Variants in WDR72 observed in about 807,000 individuals in gnomAD.
WDR72 encodes WD repeat-containing protein 72.
WDR72 carries 120 observed loss-of-function variants against 124.2 expected under a neutral mutation model. The ratio of observed to expected loss-of-function variants is 0.97; its 90% CI spans 0.83 to 1.12. The LOEUF is 1.12. Ranked by LOEUF, WDR72 falls within the 50% of genes most tolerant of loss-of-function variation. WDR72 has a pLI of 0.00. For synonymous variants in WDR72, 452 were observed against 441.7 expected (o/e 1.02, Z -0.29); for missense variants, 1,387 against 1,278.8 (o/e 1.08, Z -1.29).
chr15:53,604,949 A>G (rs2013209938), intron 17 of WDR72, among the ~76,000 whole-genome samples: 3 of 152,252 alleles, frequency 2.0e-5, no homozygotes, highest in South Asian at 4.1e-4. Flanking sequence ...AAAGACCTAA[A>G]GACAGAAATA....
intron 2 of WDR72, among the ~76,000 whole-genome samples, chr15:53,728,958 G>A (rs996057802): frequency 1.3e-5 from 2 of 152,088 alleles, no homozygotes; most frequent in African/African-American, 2.4e-5. Context: ...AAAGACTGAG[G>A]CACATCTTCA....
Position 53,517,602 on chromosome 15 carries a change from G to T in WDR72, c.*97C>A. The T allele has an allele frequency of 7.7e-7, 1 of 1,305,000 alleles. No homozygotes were observed. Among genetic ancestry groups the T allele is most frequent in the South Asian group, 1.2e-5 (1 of 84,312 alleles). 80.8% of individuals were successfully genotyped at this position (1,305,000 alleles called of 1,614,324 possible). On this transcript the variant is annotated 3_prime_UTR_variant, in exon 20 of 20. Coordinates refer to ENST00000360509, the MANE Select transcript of WDR72 (RefSeq NM_182758.4). ...CAAATCCACTACAGCCTAATAACTT[G>T]ACCAATAACAACAATGCTTTTATAC...
intron 14 of WDR72, among the ~76,000 whole-genome samples, chr15:53,637,738 T>C (rs2014677913): frequency 6.6e-6 from 1 of 152,144 alleles, no homozygotes. Flanking sequence ...CCTTTAATGC[T>C]TCATTCTTGT....
rs142245165 is a variant in WDR72, at chr15:53,700,817, C to T, written c.1570-872G>A. On this transcript the variant is annotated intron_variant, in intron 12 of 19. Transcript: ENST00000360509. ...AGGTGTGATAGATCTGGAGCCTAGA[C>T]TTGCAGAACGGATCATATGTCATTT... 9.4e-3 allele frequency among the ~76,000 whole-genome samples: 1,424 copies of T among 152,246 alleles called. 36 individuals carry two copies. Among genetic ancestry groups the T allele is most frequent in the African/African-American group, 0.033 (1,371 of 41,530 alleles).
At chr15:53,656,759 A>C (rs928601717) in intron 14 of WDR72, among the ~76,000 whole-genome samples, 4 of 152,188 alleles carry the variant, frequency 2.6e-5, no homozygotes, top group Non-Finnish European at 1.5e-5. Context: ...GTCATTAAAA[A>C]AACAGAATAG....
rs372047081 is a variant in WDR72 at position 53,531,234 on chromosome 15, T to G, written c.3149-7912A>C. Among the ~76,000 whole-genome samples the G allele has an allele frequency of 5.6e-4, 85 of 152,194 alleles. 1 individual carries two copies. The South Asian group carries it at 0.017, about 30-fold the overall frequency. On this transcript the variant is annotated intron_variant, in intron 18 of 19. Coordinates refer to ENST00000360509, the MANE Select transcript of WDR72 (RefSeq NM_182758.4). ...GTGGTATGTTAGCTACTTAAAAACA[T>G]ATTGAGATTGAACGAAAGACATGCT...
intron 1 of WDR72, among the ~76,000 whole-genome samples, chr15:53,746,879 A>G (rs976092085): frequency 1.3e-5 from 2 of 152,218 alleles, no homozygotes; most frequent in African/African-American, 4.8e-5. Flanking sequence ...GATGAAACAA[A>G]TGGATAGATA....
At chr15:53,694,277 T>C (rs2016934239) in intron 13 of WDR72, among the ~76,000 whole-genome samples, 1 of 152,152 alleles carries the variant, frequency 6.6e-6, no homozygotes, top group Non-Finnish European at 1.5e-5. Flanking sequence ...TTGGCAACTA[T>C]CTTCCTATGA....
intron 14 of WDR72, among the ~76,000 whole-genome samples, chr15:53,619,502 C>G (rs2013903072): frequency 6.6e-6 from 1 of 151,992 alleles, no homozygotes; most frequent in African/African-American, 2.4e-5. Flanking sequence ...AGCAAAAGTA[C>G]TTTCCCCCCT....
intron 18 of WDR72, among the ~76,000 whole-genome samples, chr15:53,584,711 C>G (rs917960590): frequency 2.6e-5 from 4 of 151,894 alleles, no homozygotes; most frequent in African/African-American, 9.7e-5. Context: ...CCTTTTCATT[C>G]CAGGTATCTC....
At chr15:53,703,096 C>G (rs1432058189) in intron 11 of WDR72, among the ~76,000 whole-genome samples, 3 of 151,528 alleles carry the variant, frequency 2.0e-5, no homozygotes, top group African/African-American at 4.9e-5. Flanking sequence ...GTTTTTTTTG[C>G]AGGGACAGGG....
At chr15:53,537,732 A>C (rs1474029501) in intron 18 of WDR72, among the ~76,000 whole-genome samples, 1 of 152,202 alleles carries the variant, frequency 6.6e-6, no homozygotes, top group Non-Finnish European at 1.5e-5. Context: ...AATATGCATA[A>C]ATGTAAATAA....
chr15:53,647,385 T>C (rs1040048618), intron 14 of WDR72, among the ~76,000 whole-genome samples: 1 of 152,098 alleles, frequency 6.6e-6, no homozygotes, highest in Non-Finnish European at 1.5e-5. Flanking sequence ...AAGAATTCAA[T>C]AATAAAGATA....
Position 53,740,469 on chromosome 15 carries a change from G to T in WDR72, c.-12-7308C>A, listed in dbSNP as rs376628967. Among the ~76,000 whole-genome samples, 35 of 152,144 alleles carry T rather than the reference G, an allele frequency of 2.3e-4. No homozygotes were observed. In the South Asian group the frequency reaches 2.5e-3, roughly 11 times the overall value. On this transcript the variant is annotated intron_variant, in intron 1 of 19. Transcript: ENST00000360509. ...ACTACAGGCGCCCACCACCGCGCCC[G>T]GCTAATTTTTTGTATTTTTAGCAGA...
chr15:53,636,773 A>C (rs1471851502), intron 14 of WDR72, among the ~76,000 whole-genome samples: 1 of 152,214 alleles, frequency 6.6e-6, no homozygotes, highest in African/African-American at 2.4e-5. Context: ...GTACTTGTCC[A>C]CAATCACACA....
chr15:53,665,912 G>T (rs189952510), intron 13 of WDR72, 144 bp from the exon 14 acceptor site: 13 of 782,232 alleles, frequency 1.7e-5, no homozygotes, highest in African/African-American at 1.6e-4. Flanking sequence ...TAGCCTGGGA[G>T]CTTTTCCTAA....
intron 14 of WDR72, among the ~76,000 whole-genome samples, chr15:53,656,026 A>C (rs2015409440): frequency 6.6e-6 from 1 of 152,194 alleles, no homozygotes; most frequent in Non-Finnish European, 1.5e-5. Flanking sequence ...AAAAGTCATC[A>C]GGTTTTGGGC....
intron 13 of WDR72, among the ~76,000 whole-genome samples, chr15:53,673,191 T>C (rs1459040465): frequency 6.6e-6 from 1 of 152,156 alleles, no homozygotes. Context: ...CTTTCCAAAA[T>C]TAACAAAAGT....
chr15:53,695,631 C>T (rs1184125559), intron 13 of WDR72, among the ~76,000 whole-genome samples: 2 of 152,150 alleles, frequency 1.3e-5, no homozygotes, highest in Non-Finnish European at 2.9e-5. Context: ...AGCCAGAGGA[C>T]GAGGGCCCTC....
Sources: gnomAD v4.1 joint callset for allele counts (sites outside exome capture counted in the v4.1 genomes callset) on GRCh38, gnomAD v4.1.1 for gene constraint, MANE v1.5 for transcripts, NCBI Gene and HGNC (gene_info 2026-07-23, HGNC 2026-07-21) for gene names.